The following NCKAP5 variants were observed in gnomAD, a reference collection of about 807,000 sequenced individuals.
The protein encoded by NCKAP5 is nck-associated protein 5.
A neutral mutation model predicts 167.0 loss-of-function variants in NCKAP5; 92 were observed. The ratio of observed to expected loss-of-function variants is 0.55; its 90% CI spans 0.47 to 0.66. The LOEUF (loss-of-function observed/expected upper bound fraction) is 0.66, where lower values mean the gene tolerates loss of function less well. Among genes scored for constraint, NCKAP5 ranks in the 30% least tolerant of loss-of-function variants. The pLI is 0.00. For synonymous variants in NCKAP5, 891 were observed against 877.4 expected, an observed-to-expected ratio of 1.02 and a Z score of -0.27; for missense variants, 2,378 against 2,315.0, an observed-to-expected ratio of 1.03 and a Z score of -0.56.
intron 3 of NCKAP5, among the ~76,000 whole-genome samples, chr2:133,375,987 T>C (rs1409679723): frequency 1.3e-5 from 2 of 152,120 alleles, no homozygotes; most frequent in African/African-American, 4.8e-5. Flanking sequence ...AATAAATTCA[T>C]GTCAAGGAAG....
At chr2:132,684,732 T>C (rs1203231884) in intron 19 of NCKAP5, among the ~76,000 whole-genome samples, 1 of 152,094 alleles carries the variant, frequency 6.6e-6, no homozygotes, top group Non-Finnish European at 1.5e-5. Context: ...AAATGCAAGA[T>C]GTTGTGTGAC....
chr2:133,369,888 A>C (rs1479944028), intron 3 of NCKAP5, among the ~76,000 whole-genome samples: 2 of 152,252 alleles, frequency 1.3e-5, no homozygotes, highest in Admixed American at 6.5e-5. Context: ...AGTGTTTTTT[A>C]AGAAATGATT....
At chr2:132,687,712 A>AACAC (rs3069016) in intron 19 of NCKAP5, among the ~76,000 whole-genome samples, 16,114 of 131,442 alleles carry the variant, frequency 0.12, 998 homozygotes, top group East Asian at 0.19. Context: ...CACCTACCTA[A>AACAC]ACACACACAC....
At chr2:133,200,328 TG>T (rs1460547835) in intron 5 of NCKAP5, among the ~76,000 whole-genome samples, 1 of 152,040 alleles carries the variant, frequency 6.6e-6, no homozygotes, top group Non-Finnish European at 1.5e-5. Flanking sequence ...TTCACGTTCA[TG>T]TTAACTGATT....
intron 11 of NCKAP5, among the ~76,000 whole-genome samples, chr2:132,819,359 C>A (rs763318730): frequency 2.0e-5 from 3 of 152,218 alleles, no homozygotes; most frequent in Admixed American, 1.3e-4. Flanking sequence ...CCAAGCAGAG[C>A]GCTACAGCTA....
At position 133,400,467 on chromosome 2, in the gene NCKAP5, A is replaced by C. The variant is rs558713879; in HGVS notation, c.70-97357T>G. 5.9e-5 allele frequency among the ~76,000 whole-genome samples: 9 copies of C among 151,908 alleles called. No individual in the cohort carries two copies. In the East Asian group the frequency reaches 1.7e-3, roughly 29 times the overall value. On this transcript the variant is annotated intron_variant, in intron 3 of 19. Transcript: ENST00000409261. Reference sequence around the variant, plus strand: ...TGTCCTTTTTAGAGGCAGCAAGAGAACAGATCTGGAGAGAAGAGGAGAAGT... The same window carrying C: ...TGTCCTTTTTAGAGGCAGCAAGAGACCAGATCTGGAGAGAAGAGGAGAAGT...
intron 8 of NCKAP5, among the ~76,000 whole-genome samples, chr2:132,892,393 A>T (rs892846166): frequency 1.3e-5 from 2 of 152,224 alleles, no homozygotes; most frequent in Non-Finnish European, 1.5e-5. Flanking sequence ...ATTTCTTTGT[A>T]AAAACAACCT....
At chr2:133,028,155 AG>A (rs992479678) in intron 6 of NCKAP5, among the ~76,000 whole-genome samples, 2 of 152,188 alleles carry the variant, frequency 1.3e-5, no homozygotes, top group African/African-American at 4.8e-5. Context: ...ATTCTGAATA[AG>A]GGATACTTAT....
rs80018080 is a variant in NCKAP5, at chr2:133,016,979, C to A, written c.342-22740G>T. 1.7e-4 allele frequency among the ~76,000 whole-genome samples: 26 copies of A among 152,280 alleles called. No individual in the cohort carries two copies. In the East Asian group the frequency reaches 4.0e-3, roughly 24 times the overall value. ...ATTTGCATTGAATAATGGTAAAGGG[C>A]AAGGAAACTAGCCCATTGTTAACTG... is the stretch of plus-strand genomic sequence containing the variant. On this transcript the variant is annotated intron_variant, in intron 6 of 19. Coordinates refer to ENST00000409261, the MANE Select transcript of NCKAP5 (RefSeq NM_207363.3).
At chr2:133,645,115 T>C in the NCKAP5 span, among the ~76,000 whole-genome samples, 1 of 152,322 alleles carries the variant, frequency 6.6e-6, no homozygotes, top group Non-Finnish European at 1.5e-5. Context: ...AGATGTACAC[T>C]TTCCAAGCCA....
chr2:133,124,651 T>G (rs994056917), intron 6 of NCKAP5, among the ~76,000 whole-genome samples: 2 of 152,328 alleles, frequency 1.3e-5, no homozygotes, highest in East Asian at 1.9e-4. Context: ...TGTTCATATA[T>G]GTACGTAAGA....
At chr2:133,110,966 A>T (rs1393274878) in intron 6 of NCKAP5, among the ~76,000 whole-genome samples, 2 of 152,138 alleles carry the variant, frequency 1.3e-5, no homozygotes, top group Non-Finnish European at 2.9e-5. Context: ...CTGCATGGCC[A>T]CAGAGAAATA....
intron 19 of NCKAP5, among the ~76,000 whole-genome samples, chr2:132,686,528 T>C (rs550200569): frequency 3.9e-4 from 60 of 152,210 alleles, no homozygotes; most frequent in Non-Finnish European, 8.7e-4. Context: ...ACTGAACCTA[T>C]TTATCTTCAC....
chr2:133,540,388 A>G (rs188669867), intron 2 of NCKAP5, among the ~76,000 whole-genome samples: 1 of 152,328 alleles, frequency 6.6e-6, no homozygotes, highest in East Asian at 1.9e-4. Flanking sequence ...GATGTAATCA[A>G]AGTGTTTACA....
intron 3 of NCKAP5, among the ~76,000 whole-genome samples, chr2:133,331,810 C>T (rs989014786): frequency 1.3e-5 from 2 of 152,232 alleles, no homozygotes; most frequent in African/African-American, 4.8e-5. Flanking sequence ...CACTGCCACA[C>T]ACAAAGTGAC....
intron 4 of NCKAP5, among the ~76,000 whole-genome samples, chr2:133,251,116 A>G (rs1473555305): frequency 6.6e-6 from 1 of 152,166 alleles, no homozygotes; most frequent in Admixed American, 6.5e-5. Flanking sequence ...AGAAAACACA[A>G]AGAAAAAATA....
intron 1 of NCKAP5, among the ~76,000 whole-genome samples, chr2:133,559,828 A>G (rs1163216289): frequency 1.3e-5 from 2 of 152,202 alleles, no homozygotes; most frequent in Non-Finnish European, 2.9e-5. Flanking sequence ...CTAACGTACC[A>G]TGATGTCTCA....
At chr2:132,888,935 C>T (rs1050936616) in intron 8 of NCKAP5, among the ~76,000 whole-genome samples, 1 of 152,156 alleles carries the variant, frequency 6.6e-6, no homozygotes, top group African/African-American at 2.4e-5. Flanking sequence ...ACTTGATTGA[C>T]CAATGGAAGG....
chr2:133,146,794 C>T (rs1374913391), intron 5 of NCKAP5, among the ~76,000 whole-genome samples: 1 of 152,088 alleles, frequency 6.6e-6, no homozygotes, highest in Non-Finnish European at 1.5e-5. Flanking sequence ...TAAAAACAAA[C>T]ACTTCCAAAT....
Sources: allele counts gnomAD v4.1 joint callset (sites outside exome capture counted in the v4.1 genomes callset), GRCh38; gene constraint gnomAD v4.1.1; transcripts MANE v1.5; gene names NCBI Gene and HGNC (gene_info 2026-07-23, HGNC 2026-07-21).